Variants in PARM1 observed in about 807,000 individuals in gnomAD.
PARM1 encodes WSC4, cell wall integrity and stress response component 4 homolog.
PARM1 carries 14 observed loss-of-function variants against 24.6 expected under a neutral mutation model. That is an observed-to-expected ratio of 0.57 (90% CI 0.38 to 0.89). The LOEUF is 0.89. Ranked by LOEUF, PARM1 falls within the 40% of genes least tolerant of loss-of-function variation. The pLI is 0.00. For synonymous variants in PARM1, 179 were observed against 156.6 expected, an observed-to-expected ratio of 1.14 and a Z score of -1.07; for missense variants, 362 against 380.4, an observed-to-expected ratio of 0.95 and a Z score of 0.40.
At chr4:74,981,879 CAAA>C (rs1159910773) in intron 1 of PARM1, among the ~76,000 whole-genome samples, 2 of 55,642 alleles carry the variant, frequency 3.6e-5, no homozygotes. Context: ...ACTCAATCTC[CAAA>C]AAAAAAAAAA....
At chr4:74,981,959 G>GAAT in intron 1 of PARM1, among the ~76,000 whole-genome samples, 1 of 151,020 alleles carries the variant, frequency 6.6e-6, no homozygotes, top group East Asian at 1.9e-4. Context: ...ACATTCAAAG[G>GAAT]AATATAAATC....
chr4:75,042,578 AT>A (rs1046610494), intron 3 of PARM1, among the ~76,000 whole-genome samples: 6 of 151,504 alleles, frequency 4.0e-5, no homozygotes, highest in African/African-American at 1.5e-4. Context: ...TTGGTTTCTG[AT>A]TGTCTTTTTT....
chr4:75,044,548 A>G (rs1038213473), intron 3 of PARM1, among the ~76,000 whole-genome samples: 2 of 152,236 alleles, frequency 1.3e-5, no homozygotes, highest in Non-Finnish European at 2.9e-5. Context: ...CAAATAATCC[A>G]TACCTGCATG....
At chr4:75,037,199 T>C (rs748635876) in intron 3 of PARM1, among the ~76,000 whole-genome samples, 2 of 152,246 alleles carry the variant, frequency 1.3e-5, no homozygotes, top group Non-Finnish European at 2.9e-5. Context: ...TCATCCCAGA[T>C]TTCTAAAAAC....
intron 2 of PARM1, among the ~76,000 whole-genome samples, chr4:75,015,026 C>T (rs961085897): frequency 2.6e-5 from 4 of 152,146 alleles, no homozygotes; most frequent in African/African-American, 9.7e-5. Context: ...TTTCCTATTT[C>T]AGGCCCTCAC....
chr4:74,994,885 C>A (rs1229301735), intron 1 of PARM1, among the ~76,000 whole-genome samples: 1 of 151,726 alleles, frequency 6.6e-6, no homozygotes, highest in Non-Finnish European at 1.5e-5. Context: ...AGCTTAAAAA[C>A]CAAAAATTCT....
chr4:74,969,713 C>T (rs1182134731), intron 1 of PARM1: 1 of 152,160 alleles, frequency 6.6e-6, no homozygotes, highest in African/African-American at 2.4e-5. Context: ...AACTAAATAC[C>T]TCGTGAGAAG....
At chr4:74,968,592 T>A (rs1721957850) in intron 1 of PARM1, among the ~76,000 whole-genome samples, 2 of 152,230 alleles carry the variant, frequency 1.3e-5, no homozygotes, top group South Asian at 4.1e-4. Flanking sequence ...GAAACCAGCC[T>A]CAGCCCCTGG....
chr4:74,998,249 A>G (rs1215824237), intron 1 of PARM1, among the ~76,000 whole-genome samples: 1 of 152,242 alleles, frequency 6.6e-6, no homozygotes, highest in Non-Finnish European at 1.5e-5. Flanking sequence ...GATGGTGTTT[A>G]TGTGGCTGTG....
At chr4:74,982,576 A>T (rs1486799066) in intron 1 of PARM1, among the ~76,000 whole-genome samples, 3 of 152,200 alleles carry the variant, frequency 2.0e-5, no homozygotes, top group African/African-American at 7.2e-5. Context: ...CCACCCAAAG[A>T]TCACCACTGT....
intron 1 of PARM1, among the ~76,000 whole-genome samples, chr4:74,950,176 T>C (rs1721494588): frequency 6.6e-6 from 1 of 152,186 alleles, no homozygotes; most frequent in Admixed American, 6.5e-5. Flanking sequence ...TTAGCTATTG[T>C]CTGGGTTTCC....
At chr4:75,017,966 A>G (rs1010852928) in intron 2 of PARM1, among the ~76,000 whole-genome samples, 1 of 152,256 alleles carries the variant, frequency 6.6e-6, no homozygotes, top group African/African-American at 2.4e-5. Flanking sequence ...GTTGAGCAAT[A>G]GCTCAATCAA....
chr4:74,955,719 C>G (rs777027843), intron 1 of PARM1, among the ~76,000 whole-genome samples: 1 of 152,208 alleles, frequency 6.6e-6, no homozygotes, highest in Non-Finnish European at 1.5e-5. Context: ...TCAGATCACC[C>G]TTGAAGGCAG....
chr4:75,043,505 A>T (rs1353711319), intron 3 of PARM1, among the ~76,000 whole-genome samples: 1 of 152,196 alleles, frequency 6.6e-6, no homozygotes, highest in East Asian at 1.9e-4. Context: ...CTCACATTTT[A>T]TGGGAATAAA....
rs985985384 is a variant in PARM1, at chr4:75,010,143, A to G, written c.44-2282A>G. 2.0e-5 allele frequency among the ~76,000 whole-genome samples: 3 copies of G among 152,214 alleles called. No homozygotes were observed. The East Asian group carries it at 5.8e-4, about 29-fold the overall frequency. On this transcript the variant is annotated intron_variant, in intron 1 of 3. Coordinates refer to ENST00000307428, the MANE Select transcript of PARM1 (RefSeq NM_015393.4). ...TATGAACGGATAAACAAAATGTGATACATACATACAGTGGAATATTATTCA... is the reference window on the plus strand; with the variant it reads ...TATGAACGGATAAACAAAATGTGATGCATACATACAGTGGAATATTATTCA...
chr4:74,958,822 G>A (rs140276363), intron 1 of PARM1, among the ~76,000 whole-genome samples: 2 of 152,250 alleles, frequency 1.3e-5, no homozygotes, highest in African/African-American at 4.8e-5. Context: ...ATACCCCTTT[G>A]GACAATTCTA....
At chr4:74,984,276 C>A (rs1008104972) in intron 1 of PARM1, among the ~76,000 whole-genome samples, 2 of 152,214 alleles carry the variant, frequency 1.3e-5, no homozygotes, top group African/African-American at 2.4e-5. Context: ...ATACACCAAA[C>A]CTGTACTTCA....
intron 2 of PARM1, among the ~76,000 whole-genome samples, chr4:75,028,674 T>A (rs540544803): frequency 6.6e-6 from 1 of 152,342 alleles, no homozygotes; most frequent in African/African-American, 2.4e-5. Flanking sequence ...AGGAGTCATC[T>A]ATGGATAGCA....
chr4:75,019,967 C>G (rs540242569), intron 2 of PARM1, among the ~76,000 whole-genome samples: 17 of 126,846 alleles, frequency 1.3e-4, no homozygotes, highest in African/African-American at 5.0e-4. Context: ...TGCGCCACTG[C>G]AGTCCGCAGT....
Sources: gnomAD v4.1 joint callset for allele counts (sites outside exome capture counted in the v4.1 genomes callset) on GRCh38, gnomAD v4.1.1 for gene constraint, MANE v1.5 for transcripts, NCBI Gene and HGNC (gene_info 2026-07-23, HGNC 2026-07-21) for gene names.